ZBTB7C: variants seen among roughly 807,000 people sequenced by gnomAD.
ZBTB7C encodes zinc finger and BTB domain-containing protein 7C.
In ZBTB7C, 8 loss-of-function variants were observed where a neutral mutation model predicts 25.7. The observed-to-expected ratio is 0.31, with a 90% CI of 0.18 to 0.56. The LOEUF (loss-of-function observed/expected upper bound fraction) is 0.56, where lower values mean the gene tolerates loss of function less well. Among genes scored for constraint, ZBTB7C ranks in the 20% least tolerant of loss-of-function variants. The pLI is 0.91. For synonymous variants in ZBTB7C, 394 were observed against 369.0 expected (o/e 1.07, Z -0.78); for missense variants, 824 against 855.2 (o/e 0.96, Z 0.46).
intron 1 of ZBTB7C, among the ~76,000 whole-genome samples, chr18:48,393,338 T>C (rs2047947388): frequency 6.7e-6 from 1 of 148,388 alleles, no homozygotes; most frequent in Non-Finnish European, 1.5e-5. Flanking sequence ...AAGGTGAAGC[T>C]AGATGACGCA....
chr18:48,395,818 T>TA (rs1159287607), intron 1 of ZBTB7C, among the ~76,000 whole-genome samples: 1 of 152,040 alleles, frequency 6.6e-6, no homozygotes, highest in Non-Finnish European at 1.5e-5. Context: ...TGAGAAGAAG[T>TA]AAAAAATTCT....
chr18:48,317,672 G>A (rs910518473), intron 2 of ZBTB7C, among the ~76,000 whole-genome samples: 10 of 152,236 alleles, frequency 6.6e-5, no homozygotes, highest in African/African-American at 1.9e-4. Context: ...CAGCAGCCTC[G>A]ATGTGACATA....
At chr18:48,038,019 C>T (rs1313045928) in intron 4 of ZBTB7C, among the ~76,000 whole-genome samples, 1 of 152,176 alleles carries the variant, frequency 6.6e-6, no homozygotes, top group Non-Finnish European at 1.5e-5. Flanking sequence ...AAGCCTTGTT[C>T]AGGTGTTCTG....
intron 2 of ZBTB7C, among the ~76,000 whole-genome samples, chr18:48,318,532 G>A (rs2046007878): frequency 6.6e-6 from 1 of 152,238 alleles, no homozygotes; most frequent in African/African-American, 2.4e-5. Flanking sequence ...CACACTAGGA[G>A]GGTCGCATCT....
chr18:48,403,991 G>A (rs543037817), intron 1 of ZBTB7C, among the ~76,000 whole-genome samples: 7 of 152,200 alleles, frequency 4.6e-5, no homozygotes, highest in South Asian at 2.1e-4. Flanking sequence ...GGTAGCTGAC[G>A]CCTATAATCC....
intron 2 of ZBTB7C, among the ~76,000 whole-genome samples, chr18:48,198,118 C>T (rs2042358099): frequency 1.3e-5 from 2 of 152,304 alleles, no homozygotes; most frequent in African/African-American, 4.8e-5. Context: ...AAAACAATGG[C>T]TTTATATGCA....
intron 2 of ZBTB7C, among the ~76,000 whole-genome samples, chr18:48,218,635 C>T (rs2042880680): frequency 6.6e-6 from 1 of 152,178 alleles, no homozygotes; most frequent in Non-Finnish European, 1.5e-5. Flanking sequence ...GTACATTTTC[C>T]ATTTATTTCC....
intron 3 of ZBTB7C, among the ~76,000 whole-genome samples, chr18:48,120,678 AG>A (rs369518090): frequency 3.7e-4 from 56 of 152,328 alleles, no homozygotes; most frequent in African/African-American, 1.1e-3. Flanking sequence ...CTAGCAGGAC[AG>A]GGATGTGTCT....
rs1456285721 is a variant in ZBTB7C, at chr18:48,367,198, TATATACAC to T, written c.-303-28808_-303-28801del. Among the ~76,000 whole-genome samples the T allele has an allele frequency of 1.8e-4, 11 of 60,966 alleles. 1 individual carries two copies. The highest frequency in any genetic ancestry group is 5.5e-4 in the Admixed American group (3 of 5,432). The allele number at this position is 60,966 out of a possible 152,430, so 40.0% of individuals were successfully genotyped here. ...TTTTATATATATATATATATATATATATATACACACACACACACACACACACACACACA... is the reference window on the plus strand; with the variant it reads ...TTTTATATATATATATATATATATATACACACACACACACACACACACACA... On this transcript the variant is annotated intron_variant, in intron 1 of 4. Transcript: ENST00000590800.
In ZBTB7C at chr18:48,173,553, C is replaced by T. The variant is rs142183731; in HGVS notation, c.-17+12381G>A. ...CCCATCCATTCAACTTGTATCTTTC[C>T]AAGGCCTGGCAAATCCTTCTCTCCA... On this transcript the variant is annotated intron_variant, in intron 3 of 4. Coordinates refer to ENST00000590800, the MANE Select transcript of ZBTB7C (RefSeq NM_001318841.2). 1.5e-4 allele frequency among the ~76,000 whole-genome samples: 23 copies of T among 152,334 alleles called. 1 individual carries two copies. The highest frequency in any genetic ancestry group is 5.3e-4 in the African/African-American group (22 of 41,576).
At chr18:48,035,270 G>A (rs758424788) in intron 4 of ZBTB7C, among the ~76,000 whole-genome samples, 26 of 152,328 alleles carry the variant, frequency 1.7e-4, no homozygotes, top group Non-Finnish European at 2.9e-4. Context: ...TGCAGAGGTC[G>A]TCCATCCCCA....
At chr18:48,215,658 A>G (rs1167458576) in intron 2 of ZBTB7C, among the ~76,000 whole-genome samples, 2 of 152,242 alleles carry the variant, frequency 1.3e-5, no homozygotes, top group African/African-American at 2.4e-5. Flanking sequence ...GAAGCCTCAT[A>G]AATGGCCACC....
intron 3 of ZBTB7C, among the ~76,000 whole-genome samples, chr18:48,133,290 C>G (rs1438485099): frequency 6.6e-6 from 1 of 152,182 alleles, no homozygotes; most frequent in Non-Finnish European, 1.5e-5. Flanking sequence ...TGGAAGGAGG[C>G]CCACTCTAGC....
chr18:48,394,814 T>C (rs1416890535), intron 1 of ZBTB7C, among the ~76,000 whole-genome samples: 1 of 152,220 alleles, frequency 6.6e-6, no homozygotes, highest in African/African-American at 2.4e-5. Context: ...TATGAACCCA[T>C]AATATGCAAA....
At chr18:48,054,599 G>A (rs2036839764) in intron 3 of ZBTB7C, among the ~76,000 whole-genome samples, 2 of 152,168 alleles carry the variant, frequency 1.3e-5, no homozygotes, top group Admixed American at 1.3e-4. Flanking sequence ...GTTTTTCAAA[G>A]GAAGCCAAAC....
At position 48,295,102 on chromosome 18, in the gene ZBTB7C, C is replaced by G. The variant is rs546887408; in HGVS notation, c.-79+43072G>C. Among the ~76,000 whole-genome samples, 99 of 152,282 alleles carry G rather than the reference C, an allele frequency of 6.5e-4. No homozygotes were observed. In the South Asian group the frequency reaches 0.019, roughly 30 times the overall value. ...GCTTTCTGACTGCACTTGCCTGTCTCTTTCCCCTCCACAGGGGAGAAGCCC... is the reference window on the plus strand; with the variant it reads ...GCTTTCTGACTGCACTTGCCTGTCTGTTTCCCCTCCACAGGGGAGAAGCCC... On this transcript the variant is annotated intron_variant, in intron 2 of 4. Transcript: ENST00000590800.
At chr18:48,250,531 G>C (rs567425220) in intron 2 of ZBTB7C, among the ~76,000 whole-genome samples, 1 of 152,086 alleles carries the variant, frequency 6.6e-6, no homozygotes, top group Non-Finnish European at 1.5e-5. Flanking sequence ...GAATTGACCT[G>C]ATCTCTCTTT....
chr18:48,397,276 C>G (rs747160145), intron 1 of ZBTB7C, among the ~76,000 whole-genome samples: 3 of 152,188 alleles, frequency 2.0e-5, no homozygotes, highest in Non-Finnish European at 4.4e-5. Flanking sequence ...TGCCTGACCC[C>G]CTTAACCAAA....
chr18:48,372,261 T>A (rs1158994856), intron 1 of ZBTB7C, among the ~76,000 whole-genome samples: 1 of 152,158 alleles, frequency 6.6e-6, no homozygotes, highest in African/African-American at 2.4e-5. Flanking sequence ...CATTCTATAC[T>A]CCACTGCCAC....
Sources: allele counts gnomAD v4.1 joint callset (sites outside exome capture counted in the v4.1 genomes callset), GRCh38; gene constraint gnomAD v4.1.1; transcripts MANE v1.5; gene names NCBI Gene and HGNC (gene_info 2026-07-23, HGNC 2026-07-21).